Variants in PLCXD3 observed in about 807,000 individuals in gnomAD.
PLCXD3 encodes phosphatidylinositol specific phospholipase C X domain containing 3, also known as PI-PLC X domain-containing protein 3.
In PLCXD3, 19 loss-of-function variants were observed where a neutral mutation model predicts 25.5. The ratio of observed to expected loss-of-function variants is 0.75; its 90% CI spans 0.52 to 1.09. The LOEUF (loss-of-function observed/expected upper bound fraction) is 1.09, where lower values mean the gene tolerates loss of function less well. PLCXD3 is among the 50% of genes least tolerant of loss of function. The pLI, the probability that PLCXD3 is intolerant of heterozygous loss-of-function variation, is 0.00. For missense variants in PLCXD3, 411 were observed against 388.1 expected (o/e 1.06, Z -0.50); for synonymous variants, 174 against 137.6 (o/e 1.26, Z -1.85).
At chr5:41,434,684 G>T (rs1378005973) in intron 1 of PLCXD3, among the ~76,000 whole-genome samples, 1 of 152,236 alleles carries the variant, frequency 6.6e-6, no homozygotes, top group Non-Finnish European at 1.5e-5. Flanking sequence ...GTTCTTGAAA[G>T]ATGGAAGGAA....
intron 2 of PLCXD3, among the ~76,000 whole-genome samples, chr5:41,320,708 G>T (rs1743442830): frequency 6.6e-6 from 1 of 152,184 alleles, no homozygotes; most frequent in Non-Finnish European, 1.5e-5. Flanking sequence ...GTGTTAGCCA[G>T]GATGGTCTCG....
chr5:41,413,522 C>T (rs540701377), intron 1 of PLCXD3, among the ~76,000 whole-genome samples: 3 of 152,278 alleles, frequency 2.0e-5, no homozygotes, highest in Admixed American at 6.5e-5. Context: ...AAAAATGGTC[C>T]TTGCCTTTAG....
chr5:41,444,936 T>C (rs1460508072), intron 1 of PLCXD3, among the ~76,000 whole-genome samples: 4 of 152,178 alleles, frequency 2.6e-5, no homozygotes, highest in Non-Finnish European at 5.9e-5. Context: ...CTTTAAAACG[T>C]AAGGAAGGGA....
chr5:41,354,684 G>A (rs1744567887), intron 2 of PLCXD3, among the ~76,000 whole-genome samples: 1 of 152,136 alleles, frequency 6.6e-6, no homozygotes, highest in Non-Finnish European at 1.5e-5. Context: ...CTTTGGGGAT[G>A]TTGGTGTGAT....
At chr5:41,373,732 G>C (rs1173480489) in intron 2 of PLCXD3, among the ~76,000 whole-genome samples, 1 of 152,014 alleles carries the variant, frequency 6.6e-6, no homozygotes, top group East Asian at 1.9e-4. Context: ...ATTAGCACTG[G>C]GGAGGAAGTT....
intron 1 of PLCXD3, among the ~76,000 whole-genome samples, chr5:41,456,992 G>A (rs1747768048): frequency 1.3e-5 from 2 of 151,918 alleles, no homozygotes; most frequent in African/African-American, 4.8e-5. Flanking sequence ...AAAAAGGGTT[G>A]GGGTTTTATG....
At chr5:41,376,154 A>G (rs2150490641) in intron 2 of PLCXD3, among the ~76,000 whole-genome samples, 1 of 152,250 alleles carries the variant, frequency 6.6e-6, no homozygotes, top group East Asian at 1.9e-4. Flanking sequence ...CACTGTGATG[A>G]TGAGACTAAG....
intron 1 of PLCXD3, among the ~76,000 whole-genome samples, chr5:41,449,537 AG>A (rs578053756): frequency 7.1e-4 from 108 of 152,288 alleles, no homozygotes; most frequent in African/African-American, 2.6e-3. Context: ...TTTTAGTGCA[AG>A]TAGTTTATTT....
At chr5:41,455,149 T>C (rs1747724677) in intron 1 of PLCXD3, among the ~76,000 whole-genome samples, 2 of 151,836 alleles carry the variant, frequency 1.3e-5, no homozygotes, top group South Asian at 4.1e-4. Flanking sequence ...AAGATGAGAT[T>C]TAGGTGGGGA....
At chr5:41,359,521 A>G (rs1431059620) in intron 2 of PLCXD3, among the ~76,000 whole-genome samples, 4 of 152,116 alleles carry the variant, frequency 2.6e-5, no homozygotes, top group African/African-American at 9.7e-5. Flanking sequence ...CACCTTGTTC[A>G]TAGTAACCTT....
In PLCXD3 at chr5:41,473,609, C is replaced by T. The variant is rs191981996; in HGVS notation, c.103+36815G>A. Among the ~76,000 whole-genome samples, 30 of 152,124 alleles carry T rather than the reference C, an allele frequency of 2.0e-4. 1 individual carries two copies. The highest frequency in any genetic ancestry group is 2.9e-4 in the African/African-American group (12 of 41,508). On this transcript the variant is annotated intron_variant, in intron 1 of 2. Coordinates refer to ENST00000377801, the MANE Select transcript of PLCXD3 (RefSeq NM_001005473.3). The stretch of plus-strand genomic sequence containing the variant: ...CTGGGACTAGAGGCGCTCACCACCA[C>T]GCCCCGCTAATTTTTTTTTTGTATT...
At chr5:41,376,275 G>C (rs142768861) in intron 2 of PLCXD3, among the ~76,000 whole-genome samples, 133 of 152,140 alleles carry the variant, frequency 8.7e-4, no homozygotes, top group African/African-American at 3.2e-3. Flanking sequence ...GTCAAACCAT[G>C]TCAGCAATTT....
In PLCXD3 at chr5:41,382,138, C is replaced by T. The variant is rs138108261; in HGVS notation, c.500G>A (p.Gly167Glu). The T allele has an allele frequency of 1.5e-5, 25 of 1,613,752 alleles. No homozygotes were observed. In the African/African-American group the frequency reaches 2.4e-4, roughly 15 times the overall value. The change falls in exon 2 of 3, where the codon GGA becomes GAA. Residue 167 changes from glycine to glutamate, a missense_variant. Physicochemically the swap from Gly to Glu is moderately conservative, Grantham distance 98. Transcript: ENST00000377801. ...AAAAATCGCTGGGCACATTTTATTTCCATAGATGTCTTTCAGCATTTGGAC... is the reference window on the plus strand; with the variant it reads ...AAAAATCGCTGGGCACATTTTATTTTCATAGATGTCTTTCAGCATTTGGAC... ...KLVQMLKDIY[G>E]NKMCPAIFAQ... is the part of the protein sequence containing the mutation.
rs1322161829 is a variant in PLCXD3 at position 41,312,696 on chromosome 5, C to CCTTCCTTA, written c.*920_*921insTAAGGAAG. 15 of 131,614 alleles carry CCTTCCTTA rather than the reference C, an allele frequency of 1.1e-4. No homozygotes were observed. The highest frequency in any genetic ancestry group is 4.9e-4 in the South Asian group (2 of 4,088). The allele number at this position is 131,614 out of a possible 1,614,324, so 8.2% of individuals were successfully genotyped here. A position where few individuals can be genotyped will look rare whatever the true frequency, so the allele number is the denominator to read the frequency against. On this transcript the variant is annotated 3_prime_UTR_variant, in exon 3 of 3. Coordinates refer to ENST00000377801, the MANE Select transcript of PLCXD3 (RefSeq NM_001005473.3). The stretch of plus-strand genomic sequence containing the variant: ...CCTTCCTTTCTTCCTTTCCTTCCTT[C>CCTTCCTTA]CTTCCTTCCTTCCTTCCTTCCTTCC...
At chr5:41,387,596 C>A (rs916135373) in intron 1 of PLCXD3, among the ~76,000 whole-genome samples, 1 of 151,956 alleles carries the variant, frequency 6.6e-6, no homozygotes, top group Non-Finnish European at 1.5e-5. Context: ...TGATTAAAGG[C>A]CCCCAGTAAC....
intron 1 of PLCXD3, among the ~76,000 whole-genome samples, chr5:41,403,236 AG>A (rs1453251150): frequency 6.6e-6 from 1 of 150,844 alleles, no homozygotes; most frequent in African/African-American, 2.4e-5. Context: ...ATATCACTTT[AG>A]GGGTTCTTTT....
chr5:41,449,165 G>T (rs1747571561), intron 1 of PLCXD3, among the ~76,000 whole-genome samples: 1 of 152,076 alleles, frequency 6.6e-6, no homozygotes, highest in South Asian at 2.1e-4. Context: ...ACTTTGTAAT[G>T]AATGTTCTCA....
At chr5:41,414,319 C>G (rs908875309) in intron 1 of PLCXD3, among the ~76,000 whole-genome samples, 1 of 152,128 alleles carries the variant, frequency 6.6e-6, no homozygotes, top group African/African-American at 2.4e-5. Flanking sequence ...ACCGCAACCT[C>G]CGCCTCACCA....
intron 1 of PLCXD3, among the ~76,000 whole-genome samples, chr5:41,410,339 T>G (rs943703754): frequency 6.6e-6 from 1 of 151,900 alleles, no homozygotes; most frequent in Admixed American, 6.6e-5. Context: ...GAGATGGGGT[T>G]TCACCATGTT....
Sources: gnomAD v4.1 joint callset for allele counts (sites outside exome capture counted in the v4.1 genomes callset) on GRCh38, gnomAD v4.1.1 for gene constraint, MANE v1.5 for transcripts, NCBI Gene and HGNC (gene_info 2026-07-23, HGNC 2026-07-21) for gene names.